PHACTR2: variants seen among roughly 807,000 people sequenced by gnomAD.
PHACTR2 encodes the protein chromosome 6 open reading frame 56.
In PHACTR2, 30 loss-of-function variants were observed where a neutral mutation model predicts 76.0. The ratio of observed to expected loss-of-function variants is 0.39; its 90% CI spans 0.30 to 0.54. The LOEUF (loss-of-function observed/expected upper bound fraction) is 0.54. Among genes scored for constraint, PHACTR2 ranks in the 20% least tolerant of loss-of-function variants. The pLI is 0.61. For synonymous variants in PHACTR2, 292 were observed against 292.5 expected, an observed-to-expected ratio of 1.00 and a Z score of 0.02; for missense variants, 696 against 781.1, an observed-to-expected ratio of 0.89 and a Z score of 1.30.
intron 1 of PHACTR2, among the ~76,000 whole-genome samples, chr6:143,584,744 C>T (rs1023190776): frequency 6.6e-6 from 1 of 152,096 alleles, no homozygotes; most frequent in Non-Finnish European, 1.5e-5. Flanking sequence ...TCTGGGTAAT[C>T]ATTTTAGCCA....
At position 143,598,654 on chromosome 6, in the gene PHACTR2, C is replaced by T. The variant is rs1263546133; in HGVS notation, c.217+61447C>T. 1.3e-5 allele frequency among the ~76,000 whole-genome samples: 2 copies of T among 152,232 alleles called. No individual in the cohort carries two copies. Among genetic ancestry groups the T allele is most frequent in the Admixed American group, 6.5e-5 (1 of 15,290 alleles). On this transcript the variant is annotated intron_variant, in intron 1 of 11. Coordinates refer to the PHACTR2 transcript ENST00000367584. The surrounding 1 kb of genome is among the most constrained non-coding windows in gnomAD (Gnocchi z 4.1). Reference sequence around the variant, plus strand: ...AAGAACAACCACATGGCTTCCCCTTCCTGGCCTATGTCCCTGTGGATATGT... The same window carrying T: ...AAGAACAACCACATGGCTTCCCCTTTCTGGCCTATGTCCCTGTGGATATGT...
intron 2 of PHACTR2, among the ~76,000 whole-genome samples, chr6:143,741,329 C>T (rs1778937667): frequency 6.6e-6 from 1 of 151,736 alleles, no homozygotes; most frequent in East Asian, 1.9e-4. Context: ...CCCATCTCTA[C>T]TAAAAATATA....
chr6:143,811,122 C>A lies in PHACTR2; in HGVS notation c.1922+3989C>A, dbSNP rs1251054400. ...CTGTTATCTATGCTTTGGAGAGGTG[C>A]ATTTATTTGTGTGTATGATTCAGAA... On this transcript the variant is annotated intron_variant, in intron 12 of 12. Transcript: ENST00000440869. This position sits in a 1 kb window ranked among gnomAD's most constrained non-coding sequence, Gnocchi z 4.1. Among the ~76,000 whole-genome samples, 1 of 152,092 alleles carries A rather than the reference C, an allele frequency of 6.6e-6. No homozygotes were observed. The highest frequency in any genetic ancestry group is 1.5e-5 in the Non-Finnish European group (1 of 68,020).
chr6:143,734,451 C>A (rs1165854748), intron 2 of PHACTR2, among the ~76,000 whole-genome samples: 1 of 152,206 alleles, frequency 6.6e-6, no homozygotes, highest in East Asian at 1.9e-4. Flanking sequence ...TATCTCAAGT[C>A]TCCCGTCTTT....
Position 143,715,691 on chromosome 6 carries a change from G to A in PHACTR2, c.214+3508G>A, listed in dbSNP as rs569327229. Among the ~76,000 whole-genome samples, 5 of 152,190 alleles carry A rather than the reference G, an allele frequency of 3.3e-5. No homozygotes were observed. In the South Asian group the frequency reaches 1.0e-3, roughly 32 times the overall value. ...ACAGGGAGTGAAGGAAGAGGGAGTG[G>A]AAAAGTACTATCTATAAATGCATTC... On this transcript the variant is annotated intron_variant, in intron 2 of 12. Coordinates refer to ENST00000440869, the MANE Select transcript of PHACTR2 (RefSeq NM_001100164.2).
Position 143,550,981 on chromosome 6 carries a change from G to A in PHACTR2, c.217+13774G>A, listed in dbSNP as rs1775086976. 6.6e-6 allele frequency among the ~76,000 whole-genome samples: 1 copy of A among 151,862 alleles called. No homozygotes were observed. The highest frequency in any genetic ancestry group is 1.5e-5 in the Non-Finnish European group (1 of 67,908). On this transcript the variant is annotated intron_variant, in intron 1 of 11. Coordinates refer to the PHACTR2 transcript ENST00000367584. The surrounding 1 kb of genome is among the most constrained non-coding windows in gnomAD (Gnocchi z 4.8). ...TGAGCCTGGGAGGTTGAGACTACATGAACCATGATTGCACCACTGCACTCC... is the reference window on the plus strand; with the variant it reads ...TGAGCCTGGGAGGTTGAGACTACATAAACCATGATTGCACCACTGCACTCC...
rs933761733 is a variant in PHACTR2, at chr6:143,811,137, A to G, written c.1922+4004A>G. Among the ~76,000 whole-genome samples the G allele has an allele frequency of 2.0e-5, 3 of 152,148 alleles. No homozygotes were observed. The highest frequency in any genetic ancestry group is 6.5e-5 in the Admixed American group (1 of 15,280). On this transcript the variant is annotated intron_variant, in intron 12 of 12. Transcript: ENST00000440869. The surrounding 1 kb of genome is among the most constrained non-coding windows in gnomAD (Gnocchi z 4.1). The stretch of plus-strand genomic sequence containing the variant: ...TGGAGAGGTGCATTTATTTGTGTGT[A>G]TGATTCAGAAAGTAAACTAACTTTA...
At chr6:143,748,150 C>T (rs1779108813) in intron 2 of PHACTR2, among the ~76,000 whole-genome samples, 2 of 152,172 alleles carry the variant, frequency 1.3e-5, no homozygotes, top group Non-Finnish European at 2.9e-5. Flanking sequence ...ACTGCAACTT[C>T]AGCCTCCTGG....
chr6:143,711,729 T>C, intron 1 of PHACTR2: 1 of 607,418 alleles, frequency 1.6e-6, no homozygotes. Flanking sequence ...TGCAGATGGA[T>C]TCAGCTGTGT....
At position 143,709,988 on chromosome 6, in the gene PHACTR2, G is replaced by A. The variant is rs1367130813; in HGVS notation, c.47-2028G>A. On this transcript the variant is annotated intron_variant, in intron 1 of 12. Transcript: ENST00000440869. The surrounding 1 kb of genome is among the most constrained non-coding windows in gnomAD (Gnocchi z 4.4). ...GTCCTTTTCAGAGCCTCATGAGGGT[G>A]GAAATCTAGTAACTCCATTCAGCCT... is the stretch of plus-strand genomic sequence containing the variant. Among the ~76,000 whole-genome samples, 1 of 152,122 alleles carries A rather than the reference G, an allele frequency of 6.6e-6. No individual in the cohort carries two copies. Among genetic ancestry groups the A allele is most frequent in the African/African-American group, 2.4e-5 (1 of 41,418 alleles).
Position 143,789,067 on chromosome 6 carries a change from T to C in PHACTR2, c.1845+157T>C. The C allele has an allele frequency of 1.7e-6, 1 of 574,930 alleles. No individual in the cohort carries two copies. Among genetic ancestry groups the C allele is most frequent in the Non-Finnish European group, 3.1e-6 (1 of 327,546 alleles). 35.6% of individuals were successfully genotyped at this position (574,930 alleles called of 1,614,324 possible). A position where few individuals can be genotyped will look rare whatever the true frequency, so the allele number is the denominator to read the frequency against. On this transcript the variant is annotated intron_variant, in intron 11 of 12. Transcript: ENST00000440869. The surrounding 1 kb of genome is among the most constrained non-coding windows in gnomAD (Gnocchi z 5.1). Reference sequence around the variant, plus strand: ...TATTTAAGCCACTTAAGTGATACATTTAGTGATATCAATGTAGTTCTTTCA... The same window carrying C: ...TATTTAAGCCACTTAAGTGATACATCTAGTGATATCAATGTAGTTCTTTCA...
chr6:143,655,776 C>G (rs1776838696), intron 1 of PHACTR2, among the ~76,000 whole-genome samples: 2 of 152,216 alleles, frequency 1.3e-5, no homozygotes, highest in African/African-American at 4.8e-5. Flanking sequence ...TTACCACATA[C>G]TTGCTATTAT....
intron 1 of PHACTR2, among the ~76,000 whole-genome samples, chr6:143,569,417 G>A (rs1210315271): frequency 6.6e-6 from 1 of 152,168 alleles, no homozygotes; most frequent in Non-Finnish European, 1.5e-5. Flanking sequence ...ATCCATTTTT[G>A]TGATGTCAAG....
Position 143,669,988 on chromosome 6 carries a change from C to G in PHACTR2, c.14-42028C>G, listed in dbSNP as rs538578736. 1.4e-4 allele frequency among the ~76,000 whole-genome samples: 21 copies of G among 152,256 alleles called. No individual in the cohort carries two copies. The South Asian group carries it at 3.9e-3, about 29-fold the overall frequency. ...TGGTATGTTTTTGCAGTGGCTGGTA[C>G]CAGTTTTTCCTTTCCATATTTAGTA... On this transcript the variant is annotated intron_variant, in intron 1 of 11. Transcript: ENST00000305766.
rs1776213896 is a variant in PHACTR2, at chr6:143,624,220, C to T, written c.13+15898C>T. ...CCCCTGGGTTGAAGCAATTCTCCTG[C>T]CTCAGCTTCCCGAGTAGCTGGGATT... is the stretch of plus-strand genomic sequence containing the variant. On this transcript the variant is annotated intron_variant, in intron 1 of 11. Transcript: ENST00000305766. This position sits in a 1 kb window ranked among gnomAD's most constrained non-coding sequence, Gnocchi z 4.6. Among the ~76,000 whole-genome samples, 1 of 152,106 alleles carries T rather than the reference C, an allele frequency of 6.6e-6. No homozygotes were observed. The highest frequency in any genetic ancestry group is 6.5e-5 in the Admixed American group (1 of 15,276).
chr6:143,721,776 G>A (rs1230802170), intron 2 of PHACTR2, among the ~76,000 whole-genome samples: 1 of 152,016 alleles, frequency 6.6e-6, no homozygotes, highest in Non-Finnish European at 1.5e-5. Context: ...CCACAGGAGT[G>A]TACTAGATTG....
chr6:143,786,726 A>G (rs1234945995), intron 10 of PHACTR2, among the ~76,000 whole-genome samples: 1 of 152,220 alleles, frequency 6.6e-6, no homozygotes, highest in Non-Finnish European at 1.5e-5. Context: ...AGGAGAAAGC[A>G]AAAGCAGAAA....
At position 143,583,220 on chromosome 6, in the gene PHACTR2, G is replaced by A. The variant is rs34973979; in HGVS notation, c.217+46013G>A. Among the ~76,000 whole-genome samples, 45,171 of 152,054 alleles carry A rather than the reference G, an allele frequency of 0.3. 6,793 individuals carry two copies. Among genetic ancestry groups the A allele is most frequent in the Middle Eastern group, 0.42 (123 of 294 alleles). ...GATAAAGAGCATTCCTCCACAATCC[G>A]TCCATTTCTGGGAACCCAGAAGATT... is the stretch of plus-strand genomic sequence containing the variant. On this transcript the variant is annotated intron_variant, in intron 1 of 11. Transcript: ENST00000367584. This position sits in a 1 kb window ranked among gnomAD's most constrained non-coding sequence, Gnocchi z 4.0.
In PHACTR2 at chr6:143,663,544, G is replaced by T. The variant is rs1457872517; in HGVS notation, c.14-48472G>T. On this transcript the variant is annotated intron_variant, in intron 1 of 11. Transcript: ENST00000305766. This position sits in a 1 kb window ranked among gnomAD's most constrained non-coding sequence, Gnocchi z 4.1. The stretch of plus-strand genomic sequence containing the variant: ...CTTTCCCTGAATAGATCTTTTCTTT[G>T]TTTTTTTAAATAAATGCGATTAAAG... 6.6e-6 allele frequency among the ~76,000 whole-genome samples: 1 copy of T among 151,008 alleles called. No individual in the cohort carries two copies. The highest frequency in any genetic ancestry group is 2.1e-4 in the South Asian group (1 of 4,782).
Sources: gnomAD v4.1 joint callset for allele counts (sites outside exome capture counted in the v4.1 genomes callset) on GRCh38, gnomAD v4.1.1 for gene constraint, Gnocchi (gnomAD v3.1) non-coding constraint, MANE v1.5 for transcripts, NCBI Gene and HGNC (gene_info 2026-07-23, HGNC 2026-07-21) for gene names.